The following AMOTL1 variants were observed in gnomAD, a reference collection of about 807,000 sequenced individuals.
AMOTL1 encodes the protein angiomotin like 1.
In AMOTL1, 45 loss-of-function variants were observed where a neutral mutation model predicts 102.9. That is an observed-to-expected ratio of 0.44 (90% CI 0.34 to 0.56). The LOEUF (loss-of-function observed/expected upper bound fraction) is 0.56, where lower values mean the gene tolerates loss of function less well. Ranked by LOEUF, AMOTL1 falls within the 20% of genes least tolerant of loss-of-function variation. The pLI is 0.01. For missense variants in AMOTL1, 1,114 were observed against 1,225.6 expected (o/e 0.91, Z 1.36); for synonymous variants, 481 against 484.7 (o/e 0.99, Z 0.10).
chr11:94,797,817 G>A (rs1951395990), intron 2 of AMOTL1, among the ~76,000 whole-genome samples: 1 of 152,216 alleles, frequency 6.6e-6, no homozygotes, highest in Admixed American at 6.5e-5. Context: ...TGGGAGTTGG[G>A]AGCAGCATGA....
intron 1 of AMOTL1, among the ~76,000 whole-genome samples, chr11:94,725,156 T>C (rs1052025571): frequency 6.6e-6 from 1 of 152,056 alleles, no homozygotes; most frequent in African/African-American, 2.4e-5. Context: ...CATCCCAAGC[T>C]TGGGGAAGGA....
intron 6 of AMOTL1, among the ~76,000 whole-genome samples, chr11:94,847,700 A>G (rs886660413): frequency 4.8e-5 from 7 of 145,890 alleles, no homozygotes; most frequent in African/African-American, 1.0e-4. Flanking sequence ...TTTAGCTACA[A>G]TATGATACTG....
chr11:94,731,025 C>T (rs1402212245), intron 2 of AMOTL1, among the ~76,000 whole-genome samples: 1 of 152,214 alleles, frequency 6.6e-6, no homozygotes, highest in Non-Finnish European at 1.5e-5. Flanking sequence ...CTGTGACCAT[C>T]TCCAAGCTCT....
At chr11:94,720,070 C>T (rs1234704487) in intron 1 of AMOTL1, among the ~76,000 whole-genome samples, 1 of 152,108 alleles carries the variant, frequency 6.6e-6, no homozygotes, top group Non-Finnish European at 1.5e-5. Flanking sequence ...GGCCACTGTG[C>T]TGAGGTATTT....
At chr11:94,825,378 CAG>C (rs1300065839) in intron 4 of AMOTL1, among the ~76,000 whole-genome samples, 3 of 152,174 alleles carry the variant, frequency 2.0e-5, no homozygotes, top group Non-Finnish European at 2.9e-5. Context: ...TGAAGGTGCT[CAG>C]GGGAAAAAAC....
intron 3 of AMOTL1, among the ~76,000 whole-genome samples, chr11:94,807,201 A>G (rs1951581423): frequency 1.3e-5 from 2 of 152,208 alleles, no homozygotes; most frequent in Admixed American, 6.5e-5. Context: ...ATCCAGAGAT[A>G]CCATTGTTAA....
intron 1 of AMOTL1, among the ~76,000 whole-genome samples, chr11:94,727,427 G>A (rs543676300): frequency 6.6e-6 from 1 of 152,268 alleles, no homozygotes; most frequent in African/African-American, 2.4e-5. Flanking sequence ...AACGTGTCTG[G>A]TTCAATGGCA....
chr11:94,752,628 G>C (rs1950670787), intron 3 of AMOTL1, among the ~76,000 whole-genome samples: 1 of 152,210 alleles, frequency 6.6e-6, no homozygotes, highest in African/African-American at 2.4e-5. Context: ...GAGTGGACAA[G>C]ATTACTGATC....
intron 3 of AMOTL1, among the ~76,000 whole-genome samples, chr11:94,807,392 T>C (rs1951584253): frequency 6.6e-6 from 1 of 152,186 alleles, no homozygotes; most frequent in African/African-American, 2.4e-5. Context: ...TTGTTTACAT[T>C]TTTTCTGAAT....
chr11:94,822,894 G>T (rs115814896), intron 4 of AMOTL1, among the ~76,000 whole-genome samples: 124 of 152,276 alleles, frequency 8.1e-4, no homozygotes, highest in African/African-American at 2.9e-3. Flanking sequence ...TTCCTTTCTG[G>T]GGGTGAGGAG....
chr11:94,711,498 TAC>T lies in AMOTL1; in HGVS notation c.-51+4903_-51+4904del, dbSNP rs577398844. 5.8e-4 allele frequency among the ~76,000 whole-genome samples: 88 copies of T among 152,224 alleles called. 2 individuals carry two copies. In the East Asian group the frequency reaches 0.016, roughly 27 times the overall value. On this transcript the variant is annotated intron_variant, in intron 1 of 4. Coordinates refer to the AMOTL1 transcript ENST00000299004. ...GTGTGTGTTTGTGTGTGTGATTGTA[TAC>T]AGTTTTTGTCACATTAGCTTCATGT...
intron 1 of AMOTL1, among the ~76,000 whole-genome samples, chr11:94,793,163 A>G (rs1591970724): frequency 6.6e-6 from 1 of 152,316 alleles, no homozygotes. Flanking sequence ...ATGTGACTAG[A>G]TAGAATCATC....
intron 8 of AMOTL1, among the ~76,000 whole-genome samples, chr11:94,858,177 G>T (rs911625883): frequency 2.0e-5 from 3 of 152,090 alleles, no homozygotes; most frequent in Non-Finnish European, 4.4e-5. Context: ...AAAAATAAGG[G>T]AGCGTCTCAT....
At chr11:94,827,684 C>T (rs548455231) in intron 4 of AMOTL1, among the ~76,000 whole-genome samples, 13 of 152,258 alleles carry the variant, frequency 8.5e-5, no homozygotes, top group Admixed American at 2.0e-4. Flanking sequence ...CCTTTGGGAA[C>T]ATAAGGTGGT....
chr11:94,797,944 T>G (rs1565355828), intron 2 of AMOTL1, among the ~76,000 whole-genome samples: 1 of 152,198 alleles, frequency 6.6e-6, no homozygotes, highest in East Asian at 1.9e-4. Flanking sequence ...TAGATTTCTC[T>G]ATTGGAACAA....
At chr11:94,822,079 C>T (rs1951877697) in intron 4 of AMOTL1, among the ~76,000 whole-genome samples, 1 of 152,166 alleles carries the variant, frequency 6.6e-6, no homozygotes, top group East Asian at 1.9e-4. Flanking sequence ...AGAGGTGGCT[C>T]TTGACCGGAG....
At position 94,762,943 on chromosome 11, in the gene AMOTL1, C is replaced by T. The variant is rs140508460; in HGVS notation, c.136+21955C>T. On this transcript the variant is annotated intron_variant, in intron 3 of 4. Transcript: ENST00000299004. ...CCTCAGATCTATAACTTAACGATCC[C>T]GCCAAACTACCTATGTAGCATGGTA... Among the ~76,000 whole-genome samples the T allele has an allele frequency of 3.0e-4, 46 of 152,288 alleles. 1 individual carries two copies. The highest frequency in any genetic ancestry group is 1.0e-3 in the African/African-American group (43 of 41,566).
intron 6 of AMOTL1, among the ~76,000 whole-genome samples, chr11:94,847,263 G>T (rs1952434345): frequency 1.3e-5 from 2 of 152,214 alleles, no homozygotes; most frequent in African/African-American, 4.8e-5. Context: ...CATCTGATGT[G>T]TCGCGGCTTG....
chr11:94,827,234 A>G (rs1210252670), intron 4 of AMOTL1, among the ~76,000 whole-genome samples: 7 of 152,196 alleles, frequency 4.6e-5, no homozygotes, highest in Non-Finnish European at 1.0e-4. Flanking sequence ...GATAAAAAAT[A>G]CTATAAAATC....
Sources: gnomAD v4.1 joint callset for allele counts (sites outside exome capture counted in the v4.1 genomes callset) on GRCh38, gnomAD v4.1.1 for gene constraint, MANE v1.5 for transcripts, NCBI Gene and HGNC (gene_info 2026-07-23, HGNC 2026-07-21) for gene names.